The following RORA variants were observed in gnomAD, a reference collection of about 807,000 sequenced individuals.
RORA encodes RAR related orphan receptor A.
In RORA, 7 loss-of-function variants were observed where a neutral mutation model predicts 69.5. That is an observed-to-expected ratio of 0.10 (90% CI 0.06 to 0.19). The LOEUF is 0.19. Ranked by LOEUF, RORA falls within the 10% of genes least tolerant of loss-of-function variation. The pLI is 1.00. For synonymous variants in RORA, 261 were observed against 240.8 expected (o/e 1.08, Z -0.78); for missense variants, 457 against 663.0 (o/e 0.69, Z 3.41).
intron 1 of RORA, among the ~76,000 whole-genome samples, chr15:60,812,858 G>T (rs2072762472): frequency 6.6e-6 from 1 of 152,182 alleles, no homozygotes. Context: ...CATTGGATAG[G>T]TGAACATCAT....
At chr15:60,917,680 T>C (rs1190059841) in intron 1 of RORA, among the ~76,000 whole-genome samples, 1 of 152,244 alleles carries the variant, frequency 6.6e-6, no homozygotes, top group Non-Finnish European at 1.5e-5. Flanking sequence ...GTCAGTGTAC[T>C]CTTGGCTGAT....
chr15:61,045,206 A>T (rs1896963487), intron 1 of RORA, among the ~76,000 whole-genome samples: 1 of 152,110 alleles, frequency 6.6e-6, no homozygotes. Flanking sequence ...TGCTGTTCTC[A>T]TGATAGTGAA....
intron 1 of RORA, among the ~76,000 whole-genome samples, chr15:61,046,096 G>T (rs1015110718): frequency 1.3e-5 from 2 of 152,188 alleles, no homozygotes; most frequent in Admixed American, 6.5e-5. Context: ...AAAAGGGGAG[G>T]AAGTGAGAGG....
intron 1 of RORA, among the ~76,000 whole-genome samples, chr15:60,951,638 A>G (rs1893099907): frequency 6.6e-6 from 1 of 151,590 alleles, no homozygotes; most frequent in African/African-American, 2.4e-5. Context: ...AATACAAACT[A>G]CCATCAGAGA....
intron 1 of RORA, among the ~76,000 whole-genome samples, chr15:61,069,377 T>G (rs1315712370): frequency 6.6e-6 from 1 of 152,120 alleles, no homozygotes; most frequent in African/African-American, 2.4e-5. Flanking sequence ...AACAGGGAGC[T>G]ATGCCATCCC....
intron 1 of RORA, among the ~76,000 whole-genome samples, chr15:61,034,836 T>C (rs980824379): frequency 4.1e-5 from 6 of 144,794 alleles, no homozygotes; most frequent in African/African-American, 1.5e-4. Flanking sequence ...TAGTGTTACA[T>C]ACTTGAAGAA....
intron 1 of RORA, among the ~76,000 whole-genome samples, chr15:61,130,533 T>C (rs977576087): frequency 6.6e-6 from 1 of 152,174 alleles, no homozygotes; most frequent in African/African-American, 2.4e-5. Flanking sequence ...TCAGAATTTA[T>C]AGATATGAGT....
At chr15:61,185,586 T>C (rs1489785853) in intron 1 of RORA, among the ~76,000 whole-genome samples, 1 of 152,226 alleles carries the variant, frequency 6.6e-6, no homozygotes, top group African/African-American at 2.4e-5. Flanking sequence ...ATCTTAGATT[T>C]GTCAGTCACT....
intron 2 of RORA, among the ~76,000 whole-genome samples, chr15:60,666,316 T>G (rs1567147472): frequency 6.6e-6 from 1 of 151,454 alleles, no homozygotes; most frequent in African/African-American, 2.4e-5. Flanking sequence ...TATAGGTGTG[T>G]GCCAGCATGC....
At chr15:60,556,642 C>T (rs1371049646) in intron 2 of RORA, among the ~76,000 whole-genome samples, 3 of 152,278 alleles carry the variant, frequency 2.0e-5, no homozygotes. Flanking sequence ...CCAAAGGTGG[C>T]ATCTTTTGTG....
chr15:60,615,341 G>A (rs148127535), intron 2 of RORA, among the ~76,000 whole-genome samples: 13 of 152,238 alleles, frequency 8.5e-5, no homozygotes, highest in East Asian at 1.9e-4. Context: ...TCTTATCTGG[G>A]AAACCAGTAA....
intron 1 of RORA, among the ~76,000 whole-genome samples, chr15:60,963,568 T>C (rs933494113): frequency 5.3e-5 from 8 of 152,322 alleles, no homozygotes; most frequent in African/African-American, 1.9e-4. Context: ...GGTAAGCCAA[T>C]AAAGAAATTG....
At chr15:61,037,793 C>CTA (rs1477779213) in intron 1 of RORA, among the ~76,000 whole-genome samples, 2 of 152,086 alleles carry the variant, frequency 1.3e-5, no homozygotes, top group Non-Finnish European at 2.9e-5. Flanking sequence ...GAGATGAATG[C>CTA]TATAATAGAA....
At chr15:60,857,408 GT>G (rs111716598) in intron 1 of RORA, among the ~76,000 whole-genome samples, 44,500 of 151,822 alleles carry the variant, frequency 0.29, 6,790 homozygotes, top group African/African-American at 0.33. Flanking sequence ...TGTATCAGAT[GT>G]TGAGTCTTTG....
At chr15:60,908,545 G>C (rs1891612193) in intron 1 of RORA, among the ~76,000 whole-genome samples, 1 of 152,134 alleles carries the variant, frequency 6.6e-6, no homozygotes, top group East Asian at 1.9e-4. Context: ...GCTTTGGGAA[G>C]CTACAGTAAA....
At chr15:60,769,420 A>G (rs911162781) in intron 1 of RORA, among the ~76,000 whole-genome samples, 1 of 152,172 alleles carries the variant, frequency 6.6e-6, no homozygotes, top group African/African-American at 2.4e-5. Flanking sequence ...AGAACAACAA[A>G]AAAAACCCAT....
At chr15:60,545,331 T>G (rs1320452395) in intron 2 of RORA, among the ~76,000 whole-genome samples, 1 of 152,166 alleles carries the variant, frequency 6.6e-6, no homozygotes, top group Non-Finnish European at 1.5e-5. Flanking sequence ...GGCTAGCACT[T>G]ATGAGGAATT....
At chr15:60,637,348 T>C (rs1163144815) in intron 2 of RORA, among the ~76,000 whole-genome samples, 1 of 152,000 alleles carries the variant, frequency 6.6e-6, no homozygotes, top group Non-Finnish European at 1.5e-5. Flanking sequence ...TGCCTTAATA[T>C]TTGAAAAAAT....
chr15:60,933,283 C>A (rs1892426260), intron 1 of RORA, among the ~76,000 whole-genome samples: 1 of 152,234 alleles, frequency 6.6e-6, no homozygotes, highest in South Asian at 2.1e-4. Flanking sequence ...TAAGCCTCAG[C>A]TTCCTCTATT....
Sources: gnomAD v4.1 joint callset for allele counts (sites outside exome capture counted in the v4.1 genomes callset) on GRCh38, gnomAD v4.1.1 for gene constraint, MANE v1.5 for transcripts, NCBI Gene and HGNC (gene_info 2026-07-23, HGNC 2026-07-21) for gene names.